HLA-DQA1: variants seen among roughly 807,000 people sequenced by gnomAD.
HLA-DQA1 encodes the protein HLA class II histocompatibility antigen, DQ alpha 1 chain.
A neutral mutation model predicts 20.7 loss-of-function variants in HLA-DQA1; 10 were observed. The ratio of observed to expected loss-of-function variants is 0.48; its 90% CI spans 0.30 to 0.82. HLA-DQA1 has a LOEUF of 0.82. HLA-DQA1 is among the 40% of genes least tolerant of loss of function. HLA-DQA1 has a pLI of 0.07. For missense variants in HLA-DQA1, 127 were observed against 293.0 expected (o/e 0.43, Z 4.14); for synonymous variants, 39 against 109.2 (o/e 0.36, Z 4.01).
chr6:32,641,171 A>T, intron 1 of HLA-DQA1, 139 bp from the exon 2 acceptor site: 1 of 571,536 alleles, frequency 1.7e-6, no homozygotes, highest in Non-Finnish European at 3.0e-6. Flanking sequence ...GGGAGGAAGC[A>T]GGGGCTGGAA....
At chr6:32,649,404 G>C (rs1322336533), downstream of HLA-DQA1, among the ~76,000 whole-genome samples, 2 of 97,198 alleles carry the variant, frequency 2.1e-5, 1 homozygote, top group Non-Finnish European at 4.6e-5. Flanking sequence ...AAAGAACAAA[G>C]CTGGAGGCAT....
chr6:32,652,851 G>A, the HLA-DQA1 span, among the ~76,000 whole-genome samples: 18,545 of 150,430 alleles, frequency 0.12, 1,394 homozygotes, highest in Middle Eastern at 0.3. Flanking sequence ...TATGAAAGAT[G>A]GCTCATGAAT....
the HLA-DQA1 span, among the ~76,000 whole-genome samples, chr6:32,652,587 A>C: frequency 6.6e-6 from 1 of 150,946 alleles, no homozygotes; most frequent in Non-Finnish European, 1.5e-5. Flanking sequence ...TTCAACTTTT[A>C]GAATTAAGCT....
intron 1 of HLA-DQA1, 99 bp from the exon 2 acceptor site, chr6:32,641,208 AAGC>A: frequency 1.3e-6 from 1 of 760,364 alleles, no homozygotes; most frequent in Non-Finnish European, 2.0e-6. Flanking sequence ...CCAAAAAATG[AAGC>A]CCATAATATT....
chr6:32,638,496 A>T (rs1213747007), intron 1 of HLA-DQA1, among the ~76,000 whole-genome samples: 3 of 96,206 alleles, frequency 3.1e-5, no homozygotes, highest in Non-Finnish European at 6.9e-5. Flanking sequence ...ACATAGCAAG[A>T]CCTCATCTCT....
downstream of HLA-DQA1, among the ~76,000 whole-genome samples, chr6:32,651,152 G>T (rs1282062140): frequency 1.2e-5 from 1 of 81,992 alleles, no homozygotes; most frequent in African/African-American, 4.2e-5. Context: ...CTCCCAAAGT[G>T]TTGGGATTAC....
chr6:32,653,858 G>A, the HLA-DQA1 span, among the ~76,000 whole-genome samples: 603 of 68,250 alleles, frequency 8.8e-3, 3 homozygotes, highest in Admixed American at 0.014. Flanking sequence ...AAGAACCTGG[G>A]GGACATTATG....
downstream of HLA-DQA1, chr6:32,645,969 C>T: frequency 3.3e-5 from 1 of 30,270 alleles, no homozygotes; most frequent in South Asian, 8.1e-4. Context: ...ACTCAGACTC[C>T]TTCCTCAAGC....
chr6:32,644,413 TA>T (rs1285324510), downstream of HLA-DQA1: 1 of 152,218 alleles, frequency 6.6e-6, no homozygotes, highest in Admixed American at 6.5e-5. Context: ...GCTAGTATTT[TA>T]AACTTTATAA....
chr6:32,646,897 T>TG, downstream of HLA-DQA1: 1 of 109,962 alleles, frequency 9.1e-6, no homozygotes, highest in Admixed American at 1.0e-4. Context: ...CTATACATTT[T>TG]AAAAGGCTGA....
the HLA-DQA1 span, among the ~76,000 whole-genome samples, chr6:32,654,037 G>T: frequency 1.9e-5 from 2 of 107,456 alleles, 1 homozygote; most frequent in Non-Finnish European, 4.1e-5. Context: ...GGCAGGTTGT[G>T]GTGGCTCATG....
At chr6:32,640,983 T>C (rs9272667) in intron 1 of HLA-DQA1, among the ~76,000 whole-genome samples, 5,773 of 85,114 alleles carry the variant, frequency 0.068, 774 homozygotes, top group Middle Eastern at 0.19. Context: ...AGCTAAATAC[T>C]ATGATAACTC....
chr6:32,652,639 C>T, the HLA-DQA1 span, among the ~76,000 whole-genome samples: 7,985 of 148,238 alleles, frequency 0.054, 359 homozygotes, highest in African/African-American at 0.083. Flanking sequence ...AGCAGAATGT[C>T]AAAATGGTCA....
At chr6:32,640,915 T>A in intron 1 of HLA-DQA1, among the ~76,000 whole-genome samples, 1 of 109,520 alleles carries the variant, frequency 9.1e-6, no homozygotes. Context: ...ATGAAAGAAT[T>A]AAGTGAAAGA....
Position 32,641,315 on chromosome 6 carries a change from C to A in HLA-DQA1, c.88C>A (p.His30Asn). ...TTGTCATCTTCACTCATCAGCTGAC[C>A]ACGTTGCCTCTTGTGGTGTAAACTT... ...PCGGEDIVAD[H>N]VASCGVNLYQ... is the part of the protein sequence containing the mutation. Residue 30 changes from histidine to asparagine, a missense_variant, in exon 2 of 5, where the codon CAC (histidine) becomes AAC (asparagine). By Grantham distance (68) the His-to-Asn change is moderately conservative. Coordinates refer to ENST00000343139, the MANE Select transcript of HLA-DQA1 (RefSeq NM_002122.5). 7.9e-7 allele frequency: 1 copy of A among 1,259,040 alleles called. No individual in the cohort carries two copies. Among genetic ancestry groups the A allele is most frequent in the Non-Finnish European group, 1.1e-6 (1 of 908,450 alleles). The allele number at this position is 1,259,040 out of a possible 1,614,324, so 78.0% of individuals were successfully genotyped here. A position where few individuals can be genotyped will look rare whatever the true frequency, so the allele number is the denominator to read the frequency against.
At chr6:32,640,903 C>A (rs9272661) in intron 1 of HLA-DQA1, among the ~76,000 whole-genome samples, 1 of 94,478 alleles carries the variant, frequency 1.1e-5, no homozygotes. Context: ...TGTTATTAAC[C>A]AATGAAAGAA....
At chr6:32,643,847 G>A (rs73409538), downstream of HLA-DQA1, 1 of 151,844 alleles carries the variant, frequency 6.6e-6, no homozygotes, top group African/African-American at 2.4e-5. Flanking sequence ...TCCTCACATA[G>A]GGTTAGTGAC....
In HLA-DQA1 at chr6:32,637,766, A is replaced by G. The variant is rs9272455; in HGVS notation, c.82+226A>G. 3.1e-3 allele frequency among the ~76,000 whole-genome samples: 303 copies of G among 98,232 alleles called. 8 individuals carry two copies. Among genetic ancestry groups the G allele is most frequent in the Middle Eastern group, 0.022 (3 of 136 alleles). 64.4% of individuals were successfully genotyped at this position (98,232 alleles called of 152,430 possible). ...CTAAGGACGCTATTCTGTTTATATT[A>G]TATTCAGTGACTACGGCCTGGAGGT... On this transcript the variant is annotated intron_variant, in intron 1 of 4. Transcript: ENST00000343139.
intron 1 of HLA-DQA1, 134 bp downstream of exon 1, chr6:32,637,674 A>G (rs9272449): frequency 0.017 from 7,423 of 430,722 alleles, 720 homozygotes; most frequent in Admixed American, 0.071. Context: ...TAAAAATTAT[A>G]GCTGTTCCTC....
Sources: allele counts gnomAD v4.1 joint callset (sites outside exome capture counted in the v4.1 genomes callset), GRCh38; gene constraint gnomAD v4.1.1; transcripts MANE v1.5; gene names NCBI Gene and HGNC (gene_info 2026-07-23, HGNC 2026-07-21).